The following KLHL3 variants were observed in gnomAD, a reference collection of about 807,000 sequenced individuals.
KLHL3 encodes the protein kelch like family member 3.
A neutral mutation model predicts 70.5 loss-of-function variants in KLHL3; 19 were observed. That is an observed-to-expected ratio of 0.27 (90% CI 0.19 to 0.40). KLHL3 has a LOEUF of 0.40. KLHL3 is among the 10% of genes least tolerant of loss of function. The pLI, the probability that KLHL3 is intolerant of heterozygous loss-of-function variation, is 1.00. For missense variants in KLHL3, 512 were observed against 771.1 expected (o/e 0.66, Z 3.98); for synonymous variants, 258 against 290.3 (o/e 0.89, Z 1.13).
intron 13 of KLHL3, among the ~76,000 whole-genome samples, chr5:137,626,208 C>A (rs1004283564): frequency 6.6e-6 from 1 of 152,140 alleles, no homozygotes; most frequent in Admixed American, 6.5e-5. Flanking sequence ...GGGCACAGAC[C>A]CCTCTTTAAT....
chr5:137,622,152 T>C (rs1352314430), intron 14 of KLHL3, 26 bp from the exon 15 acceptor site: 4 of 1,613,878 alleles, frequency 2.5e-6, no homozygotes, highest in Non-Finnish European at 3.4e-6. Flanking sequence ...GAGAAAGTTA[T>C]CATCTTAGCT....
chr5:137,675,173 G>A (rs537376652), intron 6 of KLHL3, among the ~76,000 whole-genome samples: 40 of 152,284 alleles, frequency 2.6e-4, no homozygotes, highest in Admixed American at 5.2e-4. Flanking sequence ...CTTCGTTAAT[G>A]TGAAAAATAC....
rs889091339 is a variant in KLHL3, at chr5:137,620,902, T to A, written c.*1196A>T. 1 of 152,194 alleles carries A rather than the reference T, an allele frequency of 6.6e-6. No homozygotes were observed. Among genetic ancestry groups the A allele is most frequent in the Non-Finnish European group, 1.5e-5 (1 of 68,050 alleles). The allele number at this position is 152,194 out of a possible 1,614,324, so 9.4% of individuals were successfully genotyped here. Reference sequence around the variant, plus strand: ...GCACAAGAAAAAGAAGACAAGGACATTAGACAGACTTGACCACTGTCACAA... The same window carrying A: ...GCACAAGAAAAAGAAGACAAGGACAATAGACAGACTTGACCACTGTCACAA... On this transcript the variant is annotated 3_prime_UTR_variant, in exon 15 of 15. Coordinates refer to ENST00000309755, the MANE Select transcript of KLHL3 (RefSeq NM_017415.3).
chr5:137,662,214 C>T (rs573872433), intron 6 of KLHL3, among the ~76,000 whole-genome samples, 183 bp from the exon 7 acceptor site: 1 of 149,632 alleles, frequency 6.7e-6, no homozygotes, highest in East Asian at 2.0e-4. Flanking sequence ...ACTTGCTGGC[C>T]TCAGAGAGTG....
intron 3 of KLHL3, chr5:137,706,203 C>A: frequency 1.0e-6 from 1 of 985,376 alleles, no homozygotes; most frequent in South Asian, 4.7e-5. Context: ...CATAATCACA[C>A]AACTCAAGTC....
At chr5:137,727,547 T>C (rs116122108) in intron 1 of KLHL3, among the ~76,000 whole-genome samples, 201 of 152,274 alleles carry the variant, frequency 1.3e-3, no homozygotes, top group African/African-American at 4.6e-3. Context: ...AATACTAAAA[T>C]ACTTGCAATA....
chr5:137,714,135 C>G (rs1287344001), intron 2 of KLHL3, among the ~76,000 whole-genome samples: 2 of 150,586 alleles, frequency 1.3e-5, no homozygotes, highest in Non-Finnish European at 2.9e-5. Flanking sequence ...AAAACCACAA[C>G]AAGATACCAC....
chr5:137,623,693 T>C (rs1333022993), intron 14 of KLHL3, among the ~76,000 whole-genome samples: 2 of 152,218 alleles, frequency 1.3e-5, no homozygotes, highest in Non-Finnish European at 2.9e-5. Context: ...ATCACAATCA[T>C]TTACTGCATG....
intron 6 of KLHL3, among the ~76,000 whole-genome samples, chr5:137,674,075 A>G (rs1010257752): frequency 6.6e-6 from 1 of 152,192 alleles, no homozygotes. Flanking sequence ...CAATAACAAC[A>G]GTATCTTACA....
chr5:137,708,749 G>C (rs940752938), intron 3 of KLHL3, among the ~76,000 whole-genome samples: 12 of 152,330 alleles, frequency 7.9e-5, no homozygotes, highest in African/African-American at 2.9e-4. Flanking sequence ...ACTATGGCCA[G>C]AGTGGTGAGA....
chr5:137,646,825 TA>T (rs1029364467), intron 8 of KLHL3, among the ~76,000 whole-genome samples: 1 of 152,266 alleles, frequency 6.6e-6, no homozygotes, highest in Non-Finnish European at 1.5e-5. Flanking sequence ...TCTTTCAAGG[TA>T]ACCCTGAGTA....
At chr5:137,693,367 TC>T (rs1752369461) in intron 4 of KLHL3, among the ~76,000 whole-genome samples, 1 of 152,202 alleles carries the variant, frequency 6.6e-6, no homozygotes, top group Non-Finnish European at 1.5e-5. Flanking sequence ...CAGAAATAGT[TC>T]TTGCTCAGGT....
intron 6 of KLHL3, 78 bp downstream of exon 6, chr5:137,677,467 G>A (rs1166087237): frequency 2.5e-6 from 2 of 806,422 alleles, no homozygotes; most frequent in African/African-American, 3.5e-5. Flanking sequence ...GAAAAGAAAA[G>A]ATCTCACCAA....
chr5:137,718,972 A>G (rs1390587852), intron 2 of KLHL3, among the ~76,000 whole-genome samples: 3 of 152,008 alleles, frequency 2.0e-5, no homozygotes, highest in Non-Finnish European at 4.4e-5. Flanking sequence ...AAGTAGTTCA[A>G]CTCCCCACTC....
At chr5:137,671,564 A>G (rs10071656) in intron 6 of KLHL3, among the ~76,000 whole-genome samples, 3,164 of 152,272 alleles carry the variant, frequency 0.021, 111 homozygotes, top group African/African-American at 0.072. Context: ...TCATGGAGCT[A>G]TCTACGGTTA....
chr5:137,644,620 A>G (rs1162389239), intron 8 of KLHL3, among the ~76,000 whole-genome samples: 1 of 152,210 alleles, frequency 6.6e-6, no homozygotes, highest in African/African-American at 2.4e-5. Flanking sequence ...ATCATGAAGA[A>G]ACAGAAAACC....
intron 1 of KLHL3, among the ~76,000 whole-genome samples, chr5:137,729,279 T>A (rs1753134274): frequency 6.6e-6 from 1 of 152,148 alleles, no homozygotes; most frequent in African/African-American, 2.4e-5. Context: ...GCTGAATGCA[T>A]TAAAAACTCT....
rs1288332647 is a variant in KLHL3, at chr5:137,618,451, C to G, written c.*3647G>C. On this transcript the variant is annotated 3_prime_UTR_variant, in exon 15 of 15. Transcript: ENST00000309755. The stretch of plus-strand genomic sequence containing the variant: ...CAAGTTGTAAGTGTAGTGTGAGCAC[C>G]TGCAAAGCATATGCTTAACACACAG... 6.6e-6 allele frequency: 1 copy of G among 152,176 alleles called. No individual in the cohort carries two copies. Among genetic ancestry groups the G allele is most frequent in the Non-Finnish European group, 1.5e-5 (1 of 68,038 alleles). 9.4% of individuals were successfully genotyped at this position (152,176 alleles called of 1,614,324 possible). A position where few individuals can be genotyped will look rare whatever the true frequency, so the allele number is the denominator to read the frequency against.
At chr5:137,693,724 C>G (rs1010072671) in intron 4 of KLHL3, among the ~76,000 whole-genome samples, 8 of 152,204 alleles carry the variant, frequency 5.3e-5, no homozygotes, top group Admixed American at 1.3e-4. Context: ...GGCCTTTGCT[C>G]TCAGCTGCTG....
Sources: gnomAD v4.1 joint callset for allele counts (sites outside exome capture counted in the v4.1 genomes callset) on GRCh38, gnomAD v4.1.1 for gene constraint, MANE v1.5 for transcripts, NCBI Gene and HGNC (gene_info 2026-07-23, HGNC 2026-07-21) for gene names.